IKZF3: variants seen among roughly 807,000 people sequenced by gnomAD.
IKZF3 encodes the protein zinc finger protein Aiolos.
Under a neutral mutation model 49.0 loss-of-function variants are expected in IKZF3, and 10 were observed. That is an observed-to-expected ratio of 0.20 (90% confidence interval 0.13 to 0.35). The LOEUF (loss-of-function observed/expected upper bound fraction) is 0.35, where lower values mean the gene tolerates loss of function less well. Ranked by LOEUF, IKZF3 falls within the 10% of genes least tolerant of loss-of-function variation. The pLI is 1.00. For missense variants in IKZF3, 498 were observed against 664.8 expected (o/e 0.75, Z 2.76); for synonymous variants, 209 against 228.2 (o/e 0.92, Z 0.76).
intron 7 of IKZF3, among the ~76,000 whole-genome samples, chr17:39,772,148 GGAC>G (rs1357932650): frequency 6.6e-6 from 1 of 152,138 alleles, no homozygotes; most frequent in Non-Finnish European, 1.5e-5. Context: ...CTGAAGTAAA[GGAC>G]TGGTTGGCTG....
intron 7 of IKZF3, 58 bp downstream of exon 7, chr17:39,777,591 CTA>C (rs2060621669): frequency 3.4e-6 from 4 of 1,180,596 alleles, no homozygotes; most frequent in Admixed American, 1.8e-5. Flanking sequence ...AGCAAGCATC[CTA>C]TGTTATTTCA....
intron 1 of IKZF3, among the ~76,000 whole-genome samples, chr17:39,838,677 T>A (rs954561975): frequency 3.3e-5 from 5 of 152,190 alleles, no homozygotes; most frequent in African/African-American, 1.2e-4. Context: ...CATCTTGAGG[T>A]CAGTTACCAT....
intron 1 of IKZF3, among the ~76,000 whole-genome samples, chr17:39,841,084 G>A (rs545855417): frequency 6.6e-6 from 1 of 152,106 alleles, no homozygotes; most frequent in Non-Finnish European, 1.5e-5. Flanking sequence ...GGCTGAGGTG[G>A]GAGGATCACT....
At chr17:39,827,553 C>A (rs2061991208) in intron 3 of IKZF3, among the ~76,000 whole-genome samples, 1 of 152,164 alleles carries the variant, frequency 6.6e-6, no homozygotes, top group Admixed American at 6.5e-5. Flanking sequence ...AGAGATCCTC[C>A]TGCTTCAGCC....
chr17:39,764,434 C>T lies in IKZF3; in HGVS notation c.*1356G>A. The T allele has an allele frequency of 6.9e-6, 1 of 145,800 alleles. No individual in the cohort carries two copies. Among genetic ancestry groups the T allele is most frequent in the Non-Finnish European group, 1.5e-5 (1 of 67,618 alleles). 9.0% of individuals were successfully genotyped at this position (145,800 alleles called of 1,614,324 possible). A position where few individuals can be genotyped will look rare whatever the true frequency, so the allele number is the denominator to read the frequency against. ...GAGCCATGATTGCACCACTGCACTC[C>T]AGCCTGGGCAACAGAGTGAGATCCT... On this transcript the variant is annotated 3_prime_UTR_variant, in exon 8 of 8. Coordinates refer to ENST00000346872, the MANE Select transcript of IKZF3 (RefSeq NM_012481.5).
chr17:39,862,899 A>G (rs892082623), intron 1 of IKZF3, among the ~76,000 whole-genome samples: 2 of 152,200 alleles, frequency 1.3e-5, no homozygotes, highest in Non-Finnish European at 1.5e-5. Context: ...TAACATTTAT[A>G]GAGAAATACT....
chr17:39,836,080 G>A (rs763977321), intron 1 of IKZF3: 3 of 656,628 alleles, frequency 4.6e-6, no homozygotes, highest in South Asian at 1.6e-5. Context: ...TTCAGGAACC[G>A]CGATGAAGGG....
intron 1 of IKZF3, among the ~76,000 whole-genome samples, chr17:39,854,063 T>C (rs1598220517): frequency 6.6e-6 from 1 of 151,940 alleles, no homozygotes; most frequent in South Asian, 2.1e-4. Flanking sequence ...GAGGCGGAGG[T>C]TGCAGTGAGC....
At chr17:39,796,106 T>A (rs2061156041) in intron 3 of IKZF3, among the ~76,000 whole-genome samples, 1 of 152,086 alleles carries the variant, frequency 6.6e-6, no homozygotes, top group Non-Finnish European at 1.5e-5. Context: ...CTGAGAGATA[T>A]TAGGCTTAGT....
chr17:39,835,615 C>T (rs574493248), intron 1 of IKZF3: 16 of 437,228 alleles, frequency 3.7e-5, no homozygotes, highest in Middle Eastern at 7.1e-4. Flanking sequence ...TACTGGGCCT[C>T]GACCTCAGCA....
At chr17:39,859,609 G>A (rs2063161016) in intron 1 of IKZF3, among the ~76,000 whole-genome samples, 1 of 151,944 alleles carries the variant, frequency 6.6e-6, no homozygotes, top group South Asian at 2.1e-4. Flanking sequence ...GGCTGGTCTT[G>A]AAGTCCCAGG....
At chr17:39,783,706 A>C (rs9909365) in intron 6 of IKZF3, among the ~76,000 whole-genome samples, 2 of 151,450 alleles carry the variant, frequency 1.3e-5, no homozygotes, top group African/African-American at 4.8e-5. Context: ...CAAGGTGGGC[A>C]GATTACCTGA....
Position 39,758,162 on chromosome 17 carries a change from A to G in IKZF3, c.*7628T>C, listed in dbSNP as rs2060106443. ...GGTGGCTTTGGCAACCAGAAATTTAAAATAAGCTATGGTTTTTCCAGTAGC... is the reference window on the plus strand; with the variant it reads ...GGTGGCTTTGGCAACCAGAAATTTAGAATAAGCTATGGTTTTTCCAGTAGC... On this transcript the variant is annotated 3_prime_UTR_variant, in exon 8 of 8. Transcript: ENST00000346872. 1 of 152,228 alleles carries G rather than the reference A, an allele frequency of 6.6e-6. No homozygotes were observed. The highest frequency in any genetic ancestry group is 2.4e-5 in the African/African-American group (1 of 41,442). The allele number at this position is 152,228 out of a possible 1,614,324, so 9.4% of individuals were successfully genotyped here.
chr17:39,825,202 C>T (rs1228017218), intron 3 of IKZF3, among the ~76,000 whole-genome samples: 1 of 152,170 alleles, frequency 6.6e-6, no homozygotes, highest in Non-Finnish European at 1.5e-5. Flanking sequence ...CAGACTAATA[C>T]ACCAGGTCAT....
Position 39,864,251 on chromosome 17 carries a change from G to T in IKZF3, c.-125C>A, listed in dbSNP as rs559444034. The T allele has an allele frequency of 1.1e-5, 12 of 1,140,090 alleles. No homozygotes were observed. In the South Asian group the frequency reaches 1.3e-4, roughly 13 times the overall value. 70.6% of individuals were successfully genotyped at this position (1,140,090 alleles called of 1,614,324 possible). ...CCGGCGCGGGGAGTCCCCGGGATCC[G>T]GCAGCCGCGTCGGCGCAGACTGAAA... On this transcript the variant is annotated 5_prime_UTR_variant, in exon 1 of 8. Coordinates refer to ENST00000346872, the MANE Select transcript of IKZF3 (RefSeq NM_012481.5).
intron 7 of IKZF3, among the ~76,000 whole-genome samples, chr17:39,767,680 TG>T (rs2143589187): frequency 6.6e-6 from 1 of 152,268 alleles, no homozygotes; most frequent in South Asian, 2.1e-4. Context: ...ACAAAAGGAT[TG>T]GAAGAACCAG....
At chr17:39,779,603 T>TA (rs2060678369) in intron 6 of IKZF3, among the ~76,000 whole-genome samples, 1 of 151,488 alleles carries the variant, frequency 6.6e-6, no homozygotes, top group Non-Finnish European at 1.5e-5. Flanking sequence ...CAGTAAATTT[T>TA]AAAAATTTGC....
At chr17:39,850,045 T>C (rs1212621405) in intron 1 of IKZF3, among the ~76,000 whole-genome samples, 1 of 134,336 alleles carries the variant, frequency 7.4e-6, no homozygotes, top group African/African-American at 2.8e-5. Context: ...ATATATATAA[T>C]ATATAGTATA....
intron 3 of IKZF3, among the ~76,000 whole-genome samples, chr17:39,826,744 G>C (rs755895944): frequency 6.6e-6 from 1 of 152,188 alleles, no homozygotes; most frequent in Admixed American, 6.5e-5. Context: ...AGGTGAGCAC[G>C]TGGGTCCATA....
Sources: allele counts gnomAD v4.1 joint callset (sites outside exome capture counted in the v4.1 genomes callset), GRCh38; gene constraint gnomAD v4.1.1; transcripts MANE v1.5; gene names NCBI Gene and HGNC (gene_info 2026-07-23, HGNC 2026-07-21).